The following PFDN2 variants were observed in gnomAD, a reference collection of about 807,000 sequenced individuals.
The protein encoded by PFDN2 is prefoldin subunit 2, also known as prefoldin 2.
In PFDN2, 7 loss-of-function variants were observed where a neutral mutation model predicts 18.3. That is an observed-to-expected ratio of 0.38 (90% CI 0.22 to 0.72). PFDN2 has a LOEUF of 0.72. Ranked by LOEUF, PFDN2 falls within the 30% of genes least tolerant of loss-of-function variation. The pLI is 0.47. For missense variants in PFDN2, 181 were observed against 199.1 expected (o/e 0.91, Z 0.55); for synonymous variants, 76 against 75.0 (o/e 1.01, Z -0.07).
intron 1 of PFDN2, among the ~76,000 whole-genome samples, chr1:161,109,459 T>A (rs1654752097): frequency 6.6e-6 from 1 of 152,244 alleles, no homozygotes; most frequent in South Asian, 2.1e-4. Flanking sequence ...TTCTATTCTT[T>A]ATCTTCTTTT....
At chr1:161,110,244 C>T (rs1361140159) in intron 1 of PFDN2, among the ~76,000 whole-genome samples, 3 of 151,834 alleles carry the variant, frequency 2.0e-5, no homozygotes, top group Non-Finnish European at 1.5e-5. Flanking sequence ...GCCTGTAGTC[C>T]CAGCTACTCG....
At chr1:161,104,356 C>G (rs1419460026) in intron 1 of PFDN2, among the ~76,000 whole-genome samples, 2 of 152,078 alleles carry the variant, frequency 1.3e-5, no homozygotes, top group Non-Finnish European at 2.9e-5. Context: ...AATATCATCT[C>G]CAGTCACACA....
At chr1:161,117,417 G>A (rs960139069) in intron 1 of PFDN2, among the ~76,000 whole-genome samples, 26 of 152,192 alleles carry the variant, frequency 1.7e-4, no homozygotes, top group Non-Finnish European at 1.6e-4. Context: ...ACTCGGATTA[G>A]AAAGGGGTTT....
At chr1:161,106,538 T>C (rs1654680530) in intron 1 of PFDN2, among the ~76,000 whole-genome samples, 1 of 152,220 alleles carries the variant, frequency 6.6e-6, no homozygotes, top group Admixed American at 6.5e-5. Flanking sequence ...CCTTATTCCT[T>C]ATTCTCTGTC....
chr1:161,101,938 G>T, intron 3 of PFDN2, 110 bp downstream of exon 3: 1 of 1,044,256 alleles, frequency 9.6e-7, no homozygotes, highest in Non-Finnish European at 1.4e-6. Context: ...TCACCATGTT[G>T]CCCAGGCTGG....
intron 1 of PFDN2, among the ~76,000 whole-genome samples, chr1:161,108,389 C>T (rs1392733499): frequency 6.7e-6 from 1 of 149,986 alleles, no homozygotes; most frequent in South Asian, 2.1e-4. Flanking sequence ...ACCTGGGCGA[C>T]AGAGGTTGCG....
intron 1 of PFDN2, among the ~76,000 whole-genome samples, chr1:161,112,439 T>A (rs1227832538): frequency 6.6e-6 from 1 of 152,226 alleles, no homozygotes; most frequent in East Asian, 1.9e-4. Flanking sequence ...GTTTTGTTTT[T>A]AAAGATGGGG....
At position 161,113,949 on chromosome 1, in the gene PFDN2, A is replaced by G. The variant is rs375831190; in HGVS notation, c.75+4003T>C. 8.5e-5 allele frequency among the ~76,000 whole-genome samples: 13 copies of G among 152,228 alleles called. No homozygotes were observed. In the East Asian group the frequency reaches 9.6e-4, roughly 11 times the overall value. On this transcript the variant is annotated intron_variant, in intron 1 of 3. Coordinates refer to ENST00000368010, the MANE Select transcript of PFDN2 (RefSeq NM_012394.4). ...AAGGCAAGAGAATGTTAATCAAGGA[A>G]CAGCCTCAAAACTCACTTATCACAC... is the stretch of plus-strand genomic sequence containing the variant.
At chr1:161,108,544 AAT>A (rs1422922830) in intron 1 of PFDN2, among the ~76,000 whole-genome samples, 88 of 151,832 alleles carry the variant, frequency 5.8e-4, no homozygotes, top group African/African-American at 2.1e-3. Context: ...CAGCCTGGGC[AAT>A]AGAGTGAGAC....
intron 1 of PFDN2, among the ~76,000 whole-genome samples, chr1:161,109,868 G>C (rs376593222): frequency 3.9e-5 from 6 of 152,112 alleles, no homozygotes; most frequent in African/African-American, 1.4e-4. Context: ...TGGCCAACAC[G>C]GTGAAACCCC....
At chr1:161,111,516 C>A (rs560400292) in intron 1 of PFDN2, among the ~76,000 whole-genome samples, 1 of 152,290 alleles carries the variant, frequency 6.6e-6, no homozygotes, top group South Asian at 2.1e-4. Flanking sequence ...GTAGCAACCC[C>A]TTTGATTTGT....
chr1:161,104,352 A>G (rs967644154), intron 1 of PFDN2, among the ~76,000 whole-genome samples: 2 of 151,936 alleles, frequency 1.3e-5, no homozygotes, highest in Admixed American at 6.6e-5. Context: ...TGCAAATATC[A>G]TCTCCAGTCA....
chr1:161,113,174 A>G (rs1300835748), intron 1 of PFDN2, among the ~76,000 whole-genome samples: 2 of 152,212 alleles, frequency 1.3e-5, no homozygotes, highest in African/African-American at 4.8e-5. Context: ...TTAAAAAGTC[A>G]TAAATTCTTT....
intron 1 of PFDN2, among the ~76,000 whole-genome samples, chr1:161,116,344 C>T (rs1654919901): frequency 6.6e-6 from 1 of 152,060 alleles, no homozygotes; most frequent in Admixed American, 6.5e-5. Context: ...GGTGAAACCC[C>T]GTCTCTACCA....
intron 1 of PFDN2, among the ~76,000 whole-genome samples, chr1:161,104,338 T>C (rs1038112625): frequency 5.3e-5 from 8 of 152,126 alleles, no homozygotes; most frequent in Non-Finnish European, 1.2e-4. Flanking sequence ...AATACGAGTG[T>C]ATTTGCAAAT....
chr1:161,102,453 C>CACAAAGGCAGGCAGAGGG, intron 1 of PFDN2, 78 bp from the exon 2 acceptor site: 1 of 1,152,446 alleles, frequency 8.7e-7, no homozygotes, highest in East Asian at 2.4e-5. Context: ...GGGTGGCAGG[C>CACAAAGGCAGGCAGAGGG]TTTACAAAGG....
intron 1 of PFDN2, among the ~76,000 whole-genome samples, chr1:161,106,723 A>C (rs1270587930): frequency 2.0e-5 from 3 of 152,146 alleles, no homozygotes; most frequent in African/African-American, 7.2e-5. Context: ...TGCAGCCTTG[A>C]ACTCCTGGGC....
intron 1 of PFDN2, among the ~76,000 whole-genome samples, chr1:161,114,373 A>G (rs2101707576): frequency 6.6e-6 from 1 of 152,288 alleles, no homozygotes; most frequent in East Asian, 1.9e-4. Context: ...TCCATATTCA[A>G]GTTCTGTAAT....
chr1:161,109,413 A>G (rs1213201113), intron 1 of PFDN2, among the ~76,000 whole-genome samples: 1 of 152,148 alleles, frequency 6.6e-6, no homozygotes, highest in Non-Finnish European at 1.5e-5. Flanking sequence ...AATCTTTTCT[A>G]TTTATATTGT....
Sources: gnomAD v4.1 joint callset for allele counts (sites outside exome capture counted in the v4.1 genomes callset) on GRCh38, gnomAD v4.1.1 for gene constraint, MANE v1.5 for transcripts, NCBI Gene and HGNC (gene_info 2026-07-23, HGNC 2026-07-21) for gene names.